The following CHD4 variants were observed in gnomAD, a reference collection of about 807,000 sequenced individuals.
The protein encoded by CHD4 is chromodomain helicase DNA binding protein 4, also known as ATP-dependent chromatin remodeler CHD4.
CHD4 carries 35 observed loss-of-function variants against 235.5 expected under a neutral mutation model. The ratio of observed to expected loss-of-function variants is 0.15; its 90% CI spans 0.11 to 0.20. CHD4 has a LOEUF of 0.20. Among genes scored for constraint, CHD4 ranks in the 10% least tolerant of loss-of-function variants. The pLI is 1.00. For synonymous variants in CHD4, 900 were observed against 850.2 expected (o/e 1.06, Z -1.02); for missense variants, 1,329 against 2,432.3 (o/e 0.55, Z 9.54).
At chr12:6,574,195 AATG>A (rs571991355) in intron 37 of CHD4, among the ~76,000 whole-genome samples, 22 of 152,132 alleles carry the variant, frequency 1.4e-4, no homozygotes, top group Non-Finnish European at 1.2e-4. Context: ...TAAGTTACAG[AATG>A]ATGTTTTCTG....
chr12:6,593,623 G>GA lies in CHD4; in HGVS notation c.2314-8dup, dbSNP rs757768167. ...AGGGGCCTTTGGAATGACCCTTTGA[G>GA]AAAAAAGAGGAGAGTCAGGACTGAG... is the stretch of plus-strand genomic sequence containing the variant. On this transcript the variant is annotated splice_polypyrimidine_tract_variant and splice_region_variant and intron_variant, in intron 15 of 39. Transcript: ENST00000544040. The surrounding 1 kb of genome is among the most constrained non-coding windows in gnomAD (Gnocchi z 4.9). The GA allele has an allele frequency of 1.9e-6, 3 of 1,612,494 alleles. No individual in the cohort carries two copies. The highest frequency in any genetic ancestry group is 2.2e-5 in the South Asian group (2 of 91,020).
At chr12:6,604,058 A>G (rs947216990) in intron 2 of CHD4, among the ~76,000 whole-genome samples, 2 of 152,130 alleles carry the variant, frequency 1.3e-5, no homozygotes, top group African/African-American at 4.8e-5. Context: ...CGGGCAGATC[A>G]TTTGAGGTCA....
At chr12:6,575,265 T>A (rs1436411657) in intron 37 of CHD4, among the ~76,000 whole-genome samples, 1 of 152,064 alleles carries the variant, frequency 6.6e-6, no homozygotes, top group African/African-American at 2.4e-5. Context: ...CTGGCCAATA[T>A]GGCAAAACCC....
intron 19 of CHD4, 46 bp from the exon 20 acceptor site, chr12:6,592,103 A>C: frequency 6.2e-7 from 1 of 1,607,082 alleles, no homozygotes; most frequent in Non-Finnish European, 8.5e-7. Flanking sequence ...AGAGCCTTTC[A>C]ATGACTAATA....
At chr12:6,604,492 G>GA (rs1948655791) in intron 2 of CHD4, among the ~76,000 whole-genome samples, 1 of 151,994 alleles carries the variant, frequency 6.6e-6, no homozygotes, top group Admixed American at 6.6e-5. Flanking sequence ...TCCCCCTTGG[G>GA]AATGCAACAT....
Position 6,602,448 on chromosome 12 carries a change from C to G in CHD4, c.150G>C (p.Lys50Asn). 1 of 1,614,036 alleles carries G rather than the reference C, an allele frequency of 6.2e-7. No individual in the cohort carries two copies. The highest frequency in any genetic ancestry group is 8.5e-7 in the Non-Finnish European group (1 of 1,180,018). The change falls in exon 3 of 40, where the codon AAG becomes AAC. Residue 50 changes from lysine to asparagine, a missense_variant. Transcript: ENST00000544040. The stretch of plus-strand genomic sequence containing the variant: ...TCTTAGGCTTTTTCTTCTTCTTGAG[C>G]TTTGGAGTCTCTGTTTCTGACAAAT... The part of the protein sequence containing the change: ...EEDLSETETP[K>N]LKKKKKPKKP...
rs17726105 is a variant in CHD4, at chr12:6,582,761, G to A, written c.4237-13C>T. On this transcript the variant is annotated splice_polypyrimidine_tract_variant and intron_variant, in intron 28 of 39. Transcript: ENST00000544040. Reference sequence around the variant, plus strand: ...TAAAACCAAGTACCTAGGGGAAGAAGAAACCCAGGTGAGAGGCAGCAGGTC... The same window carrying A: ...TAAAACCAAGTACCTAGGGGAAGAAAAAACCCAGGTGAGAGGCAGCAGGTC... 9 of 1,614,032 alleles carry A rather than the reference G, an allele frequency of 5.6e-6. No individual in the cohort carries two copies. Among genetic ancestry groups the A allele is most frequent in the East Asian group, 2.2e-5 (1 of 44,890 alleles).
chr12:6,604,627 G>C (rs925290065), intron 2 of CHD4, among the ~76,000 whole-genome samples: 2 of 151,486 alleles, frequency 1.3e-5, no homozygotes, highest in Non-Finnish European at 2.9e-5. Flanking sequence ...TGGAGACAAA[G>C]ACAACCCATG....
chr12:6,595,719 C>T (rs957490676), intron 13 of CHD4, among the ~76,000 whole-genome samples: 7 of 147,770 alleles, frequency 4.7e-5, no homozygotes, highest in African/African-American at 1.3e-4. Context: ...ACCCAGGAGG[C>T]GGAGGCTGCA....
chr12:6,591,638 T>C, intron 21 of CHD4, 55 bp from the exon 22 acceptor site: 2 of 1,613,878 alleles, frequency 1.2e-6, no homozygotes, highest in Non-Finnish European at 1.7e-6. Flanking sequence ...TCCCTTTCCT[T>C]AGGTCACTAA....
chr12:6,582,295 T>G lies in CHD4; in HGVS notation c.4371-14A>C, dbSNP rs935249401. The G allele has an allele frequency of 2.6e-6, 4 of 1,546,764 alleles. No individual in the cohort carries two copies. The Admixed American group carries it at 6.4e-5, about 25-fold the overall frequency. On this transcript the variant is annotated splice_polypyrimidine_tract_variant and intron_variant, in intron 29 of 39. Coordinates refer to ENST00000544040, the MANE Select transcript of CHD4 (RefSeq NM_001273.5). Reference sequence around the variant, plus strand: ...GAGACATATGCCCTGTGTAAAGAAGTAGAGAAAGAGTTAAATAGGGATCAT... The same window carrying G: ...GAGACATATGCCCTGTGTAAAGAAGGAGAGAAAGAGTTAAATAGGGATCAT...
At chr12:6,571,131 A>C in intron 38 of CHD4, 99 bp from the exon 39 acceptor site, 3 of 1,363,216 alleles carry the variant, frequency 2.2e-6, no homozygotes, top group Non-Finnish European at 3.1e-6. Flanking sequence ...GTGACCAAGT[A>C]ACTGTGATGT....
chr12:6,581,878 T>G, intron 30 of CHD4, 64 bp from the exon 31 acceptor site: 2 of 1,478,162 alleles, frequency 1.4e-6, no homozygotes, highest in Non-Finnish European at 1.8e-6. Flanking sequence ...CCTATTGGCC[T>G]TCCAGTCTCC....
chr12:6,582,710 A>C lies in CHD4; in HGVS notation c.4275T>G (p.Leu1425=). ...GCATACCATATCGCATAATTGCATT[A>C]AGAAAGGCTTTTCGCTGACGAGCAT... ...GFNARQRKAF[L]NAIMRYGMPP... The change falls in exon 29 of 40, where the codon CTT becomes CTG. Residue 1425 remains leucine (L), a synonymous_variant. Coordinates refer to ENST00000544040, the MANE Select transcript of CHD4 (RefSeq NM_001273.5). 1 of 1,614,214 alleles carries C rather than the reference A, an allele frequency of 6.2e-7. No individual in the cohort carries two copies. Among genetic ancestry groups the C allele is most frequent in the South Asian group, 1.1e-5 (1 of 91,080 alleles).
chr12:6,596,148 A>G lies in CHD4; in HGVS notation c.1893-11T>C. 6.2e-7 allele frequency: 1 copy of G among 1,610,804 alleles called. No homozygotes were observed. ...CCCTTCTTGTCCACACTGCAAGTCC[A>G]GGAGAGAAAACCCTCAGAGCCAGAA... On this transcript the variant is annotated splice_polypyrimidine_tract_variant and intron_variant, in intron 12 of 39. Coordinates refer to ENST00000544040, the MANE Select transcript of CHD4 (RefSeq NM_001273.5).
rs776192770 is a variant in CHD4 at position 6,601,708 on chromosome 12, A to G, written c.497T>C (p.Val166Ala). ...EDWGMEDIDH[V>A]FSEEDYRTLT... Reference sequence around the variant, plus strand: ...GGTTCGATAATCCTCCTCTGAGAACACGTGGTCAATGTCTTCCATGCCCCA... The same window carrying G: ...GGTTCGATAATCCTCCTCTGAGAACGCGTGGTCAATGTCTTCCATGCCCCA... The change falls in exon 5 of 40, where the codon GTG (valine) becomes GCG (alanine). Residue 166 changes from valine to alanine, a missense_variant. By Grantham distance (64) the Val-to-Ala change is moderately conservative. Coordinates refer to ENST00000544040, the MANE Select transcript of CHD4 (RefSeq NM_001273.5). 6.2e-7 allele frequency: 1 copy of G among 1,614,194 alleles called. No homozygotes were observed. Among genetic ancestry groups the G allele is most frequent in the South Asian group, 1.1e-5 (1 of 91,086 alleles).
At chr12:6,591,280 C>T (rs972428428) in intron 22 of CHD4, 186 bp downstream of exon 22, 1 of 553,956 alleles carries the variant, frequency 1.8e-6, no homozygotes, top group African/African-American at 1.9e-5. Context: ...ACAAATACCC[C>T]AAAAGAAAAA....
intron 22 of CHD4, among the ~76,000 whole-genome samples, chr12:6,589,581 A>AC (rs1459932232): frequency 6.6e-6 from 1 of 151,784 alleles, no homozygotes; most frequent in Non-Finnish European, 1.5e-5. Flanking sequence ...ATCCTGGCCA[A>AC]CATGGTGAAA....
At position 6,602,018 on chromosome 12, in the gene CHD4, T is replaced by TTCA. The variant is rs1188289849; in HGVS notation, c.379_380insTGA (p.Lys126_Lys127insMet). 1.9e-6 allele frequency: 3 copies of TTCA among 1,612,176 alleles called. No homozygotes were observed. Among genetic ancestry groups the TTCA allele is most frequent in the South Asian group, 1.1e-5 (1 of 91,064 alleles). On this transcript the variant is annotated inframe_insertion, in exon 4 of 40. Transcript: ENST00000544040. ...CTCCTCCTTCCGCTTGGATTTGCTC[T>TTCA]TCTTCTCTTTCTTAGGTCCAAGCTT...
Sources: gnomAD v4.1 joint callset for allele counts (sites outside exome capture counted in the v4.1 genomes callset) on GRCh38, gnomAD v4.1.1 for gene constraint, Gnocchi (gnomAD v3.1) non-coding constraint, MANE v1.5 for transcripts, NCBI Gene and HGNC (gene_info 2026-07-23, HGNC 2026-07-21) for gene names.